Variants in ERC2 observed in about 807,000 individuals in gnomAD.
ERC2 encodes ERC protein 2.
A neutral mutation model predicts 114.8 loss-of-function variants in ERC2; 42 were observed. The observed-to-expected ratio is 0.37, with a 90% CI of 0.29 to 0.47. The LOEUF is 0.47. Among genes scored for constraint, ERC2 ranks in the 20% least tolerant of loss-of-function variants. The probability of loss-of-function intolerance (pLI) is 0.99; values close to 1 mark genes in which losing one functional copy is unlikely to be tolerated. For synonymous variants in ERC2, 454 were observed against 425.5 expected, an observed-to-expected ratio of 1.07 and a Z score of -0.82; for missense variants, 939 against 1,150.7, an observed-to-expected ratio of 0.82 and a Z score of 2.66.
intron 2 of ERC2, among the ~76,000 whole-genome samples, chr3:56,376,130 C>T (rs1055020331): frequency 3.9e-5 from 6 of 152,178 alleles, no homozygotes; most frequent in Non-Finnish European, 8.8e-5. Context: ...CTAGAGGATG[C>T]AGCTAAGCTG....
At chr3:55,925,325 A>T (rs963176399) in intron 13 of ERC2, among the ~76,000 whole-genome samples, 1 of 152,170 alleles carries the variant, frequency 6.6e-6, no homozygotes, top group Admixed American at 6.6e-5. Flanking sequence ...ATAGAGAGTA[A>T]CTCAAAACAG....
chr3:55,582,197 A>G (rs1257191387), intron 17 of ERC2, among the ~76,000 whole-genome samples: 2 of 152,192 alleles, frequency 1.3e-5, no homozygotes, highest in Non-Finnish European at 2.9e-5. Context: ...CATGTACTCT[A>G]TCATACCCCA....
intron 4 of ERC2, among the ~76,000 whole-genome samples, chr3:56,167,906 A>G (rs1002216830): frequency 3.3e-5 from 5 of 152,172 alleles, no homozygotes; most frequent in African/African-American, 1.2e-4. Context: ...TTTGCCTTTT[A>G]GCACAAAATA....
intron 7 of ERC2, among the ~76,000 whole-genome samples, chr3:56,021,699 C>T (rs998203371): frequency 7.2e-5 from 11 of 152,148 alleles, no homozygotes; most frequent in Non-Finnish European, 1.3e-4. Context: ...CAGTAGTCAT[C>T]TTTTCTGCTC....
At chr3:55,580,663 T>C (rs1422841786) in intron 17 of ERC2, among the ~76,000 whole-genome samples, 2 of 152,198 alleles carry the variant, frequency 1.3e-5, no homozygotes, top group Admixed American at 6.5e-5. Context: ...TGACTTCATA[T>C]ATACACATGG....
chr3:56,134,527 T>G (rs2080382890), intron 6 of ERC2, among the ~76,000 whole-genome samples: 1 of 152,206 alleles, frequency 6.6e-6, no homozygotes, highest in African/African-American at 2.4e-5. Flanking sequence ...TTATATACAC[T>G]ACTGCATGTG....
chr3:56,083,737 G>T (rs947341681), intron 6 of ERC2, among the ~76,000 whole-genome samples: 23 of 151,584 alleles, frequency 1.5e-4, no homozygotes, highest in African/African-American at 5.1e-4. Flanking sequence ...GGGTGATGAG[G>T]TATTGAGGTG....
intron 2 of ERC2, among the ~76,000 whole-genome samples, chr3:56,428,136 T>C (rs2061643131): frequency 6.6e-6 from 1 of 152,152 alleles, no homozygotes; most frequent in African/African-American, 2.4e-5. Flanking sequence ...TGAAATTCTA[T>C]CACTCACTTC....
chr3:56,024,899 T>G (rs1354027609), intron 7 of ERC2, among the ~76,000 whole-genome samples: 1 of 152,174 alleles, frequency 6.6e-6, no homozygotes, highest in Non-Finnish European at 1.5e-5. Context: ...TTTGACAAGA[T>G]AACTACAGAA....
At chr3:56,235,055 C>T (rs955379932) in intron 3 of ERC2, among the ~76,000 whole-genome samples, 4 of 152,154 alleles carry the variant, frequency 2.6e-5, no homozygotes, top group Non-Finnish European at 5.9e-5. Context: ...CAATGCTTCC[C>T]GATCTCTTTA....
intron 2 of ERC2, among the ~76,000 whole-genome samples, chr3:56,379,505 A>G (rs1268160942): frequency 6.6e-6 from 1 of 152,120 alleles, no homozygotes; most frequent in African/African-American, 2.4e-5. Flanking sequence ...TGTAATCCCC[A>G]TTTACTTATG....
At chr3:55,555,875 G>A (rs904248972) in intron 17 of ERC2, among the ~76,000 whole-genome samples, 1 of 152,168 alleles carries the variant, frequency 6.6e-6, no homozygotes, top group Non-Finnish European at 1.5e-5. Context: ...ACGGGTCACC[G>A]AGGAAAGATT....
chr3:56,250,762 A>T (rs1175668508), intron 3 of ERC2, among the ~76,000 whole-genome samples: 2 of 152,240 alleles, frequency 1.3e-5, no homozygotes, highest in Admixed American at 1.3e-4. Flanking sequence ...ATACCTAAGT[A>T]AAGTTGCCTT....
intron 14 of ERC2, among the ~76,000 whole-genome samples, chr3:55,843,053 G>A (rs1432879787): frequency 1.3e-5 from 2 of 152,168 alleles, no homozygotes; most frequent in African/African-American, 4.8e-5. Context: ...ACATTTAGCT[G>A]GCCTGTGGTA....
chr3:55,800,748 G>C (rs1423138500), intron 14 of ERC2, among the ~76,000 whole-genome samples: 1 of 152,038 alleles, frequency 6.6e-6, no homozygotes, highest in East Asian at 1.9e-4. Flanking sequence ...CTTCCCCACA[G>C]GGTGACATAT....
chr3:55,624,580 T>C (rs1289309152), intron 17 of ERC2, among the ~76,000 whole-genome samples: 1 of 152,154 alleles, frequency 6.6e-6, no homozygotes, highest in African/African-American at 2.4e-5. Context: ...GAGGTGTTAA[T>C]GCTCAGGGTC....
intron 8 of ERC2, among the ~76,000 whole-genome samples, chr3:56,017,934 C>T (rs904896672): frequency 1.3e-5 from 2 of 152,070 alleles, no homozygotes; most frequent in Admixed American, 6.5e-5. Flanking sequence ...ATGCTGGGCA[C>T]AGGGAATGGA....
At chr3:56,046,312 G>A (rs1327757835) in intron 7 of ERC2, among the ~76,000 whole-genome samples, 1 of 152,172 alleles carries the variant, frequency 6.6e-6, no homozygotes, top group Non-Finnish European at 1.5e-5. Flanking sequence ...CTGCCATTTA[G>A]GAGATACCCA....
intron 14 of ERC2, among the ~76,000 whole-genome samples, chr3:55,784,715 T>C (rs1396534978): frequency 2.0e-5 from 3 of 152,218 alleles, no homozygotes; most frequent in Non-Finnish European, 4.4e-5. Context: ...CACTATAATG[T>C]AGCTGAAATC....
Sources: allele counts gnomAD v4.1 joint callset (sites outside exome capture counted in the v4.1 genomes callset), GRCh38; gene constraint gnomAD v4.1.1; transcripts MANE v1.5; gene names NCBI Gene and HGNC (gene_info 2026-07-23, HGNC 2026-07-21).